Variants in GADL1 observed in about 807,000 individuals in gnomAD.
GADL1 encodes the protein GAD like acidic amino acid decarboxylase 1, also known as acidic amino acid decarboxylase GADL1.
A neutral mutation model predicts 69.5 loss-of-function variants in GADL1; 71 were observed. The ratio of observed to expected loss-of-function variants is 1.02; its 90% confidence interval spans 0.84 to 1.25. The LOEUF (loss-of-function observed/expected upper bound fraction) is 1.25. Ranked by LOEUF, GADL1 falls within the 50% of genes most tolerant of loss-of-function variation. The probability of loss-of-function intolerance (pLI) is 0.00; values close to 1 mark genes in which losing one functional copy is unlikely to be tolerated. For missense variants in GADL1, 737 were observed against 631.8 expected (o/e 1.17, Z -1.79); for synonymous variants, 254 against 214.4 (o/e 1.18, Z -1.62).
At chr3:30,773,139 A>G (rs1353758011) in intron 14 of GADL1, among the ~76,000 whole-genome samples, 1 of 152,206 alleles carries the variant, frequency 6.6e-6, no homozygotes, top group Non-Finnish European at 1.5e-5. Context: ...TACAATAAGA[A>G]AAGATTAAAA....
At chr3:30,786,049 T>C (rs1007746337) in intron 13 of GADL1, among the ~76,000 whole-genome samples, 1 of 152,236 alleles carries the variant, frequency 6.6e-6, no homozygotes, top group East Asian at 1.9e-4. Context: ...CACAGATGAA[T>C]ATTTGCAGTA....
rs185551968 is a variant in GADL1, at chr3:30,752,649, T to G, written c.1393-24234A>C. Among the ~76,000 whole-genome samples the G allele has an allele frequency of 2.6e-5, 4 of 152,276 alleles. No homozygotes were observed. In the East Asian group the frequency reaches 7.7e-4, roughly 29 times the overall value. Reference sequence around the variant, plus strand: ...AATATCGTTACAAGAAAACGTCCACTGGAGCATACTTCATAGCACTGTGAC... The same window carrying G: ...AATATCGTTACAAGAAAACGTCCACGGGAGCATACTTCATAGCACTGTGAC... On this transcript the variant is annotated intron_variant, in intron 14 of 14. Transcript: ENST00000282538.
chr3:30,820,615 G>T (rs1000769666), intron 11 of GADL1, among the ~76,000 whole-genome samples: 15 of 152,106 alleles, frequency 9.9e-5, no homozygotes, highest in African/African-American at 3.6e-4. Context: ...AAACATGCAG[G>T]ATCCTCTATT....
chr3:30,752,941 ATCC>A (rs1315273860), intron 14 of GADL1, among the ~76,000 whole-genome samples: 1 of 127,380 alleles, frequency 7.9e-6, no homozygotes, highest in African/African-American at 3.2e-5. Flanking sequence ...TGAGAACACA[ATCC>A]TCGTTTTTTA....
chr3:30,782,696 G>GT (rs1483335969), intron 13 of GADL1, among the ~76,000 whole-genome samples: 1 of 152,120 alleles, frequency 6.6e-6, no homozygotes, highest in Non-Finnish European at 1.5e-5. Context: ...CAAAGACAAA[G>GT]TGTTAGAAGA....
At chr3:30,759,051 A>G (rs879636020) in intron 14 of GADL1, among the ~76,000 whole-genome samples, 4 of 147,426 alleles carry the variant, frequency 2.7e-5, no homozygotes, top group Non-Finnish European at 6.0e-5. Flanking sequence ...GTGGGAGAAG[A>G]GTCATAATGA....
At chr3:30,776,151 C>G (rs892972682) in intron 14 of GADL1, among the ~76,000 whole-genome samples, 3 of 152,170 alleles carry the variant, frequency 2.0e-5, no homozygotes, top group African/African-American at 7.2e-5. Flanking sequence ...ATTTCAATTT[C>G]TCTAAAAACA....
chr3:30,797,358 A>T (rs2125504975), intron 12 of GADL1, among the ~76,000 whole-genome samples: 1 of 152,318 alleles, frequency 6.6e-6, no homozygotes, highest in African/African-American at 2.4e-5. Context: ...TAGAAAGAAG[A>T]AATTGCTATA....
At chr3:30,752,570 C>T (rs1056325536) in intron 14 of GADL1, among the ~76,000 whole-genome samples, 3 of 152,286 alleles carry the variant, frequency 2.0e-5, no homozygotes, top group Non-Finnish European at 2.9e-5. Context: ...AACCCAGTCT[C>T]GAGGAGTTAT....
At chr3:30,854,661 C>T (rs1264974033) in intron 4 of GADL1, 38 bp downstream of exon 4, 6 of 1,225,644 alleles carry the variant, frequency 4.9e-6, no homozygotes, top group Non-Finnish European at 7.0e-6. Flanking sequence ...AGTCTCTAAT[C>T]CACGTTTGGT....
chr3:30,735,788 A>T (rs981484711), intron 14 of GADL1, among the ~76,000 whole-genome samples: 2 of 152,106 alleles, frequency 1.3e-5, no homozygotes, highest in Non-Finnish European at 2.9e-5. Flanking sequence ...AGGCATTTTG[A>T]ACATGGTGGA....
intron 14 of GADL1, among the ~76,000 whole-genome samples, chr3:30,750,402 C>T (rs935649294): frequency 2.6e-5 from 4 of 152,170 alleles, no homozygotes; most frequent in Non-Finnish European, 5.9e-5. Flanking sequence ...CACGGAGTGG[C>T]ACAAGTGGGT....
At chr3:30,773,851 G>GA (rs1323592589) in intron 14 of GADL1, among the ~76,000 whole-genome samples, 2 of 152,134 alleles carry the variant, frequency 1.3e-5, no homozygotes, top group Non-Finnish European at 2.9e-5. Flanking sequence ...TTGCTTTTCA[G>GA]AAAAATGGTA....
Position 30,728,024 on chromosome 3 carries a change from T to A in GADL1, c.*218A>T. On this transcript the variant is annotated 3_prime_UTR_variant, in exon 15 of 15. Transcript: ENST00000282538. Reference sequence around the variant, plus strand: ...CAGGGGCATTCCTTGAGAAAATCATTTTTTTTTTTAAACTTTCTTCTTTTA... The same window carrying A: ...CAGGGGCATTCCTTGAGAAAATCATATTTTTTTTTAAACTTTCTTCTTTTA... The A allele has an allele frequency of 2.3e-6, 1 of 435,376 alleles. No individual in the cohort carries two copies. 27.0% of individuals were successfully genotyped at this position (435,376 alleles called of 1,614,324 possible). A position where few individuals can be genotyped will look rare whatever the true frequency, so the allele number is the denominator to read the frequency against.
chr3:30,751,430 T>G (rs978018140), intron 14 of GADL1, among the ~76,000 whole-genome samples: 3 of 150,326 alleles, frequency 2.0e-5, no homozygotes, highest in Non-Finnish European at 4.4e-5. Flanking sequence ...TTGCTTTGTC[T>G]TTCATTGCTT....
chr3:30,851,793 T>C (rs2125532577), intron 4 of GADL1, among the ~76,000 whole-genome samples: 1 of 152,234 alleles, frequency 6.6e-6, no homozygotes, highest in South Asian at 2.1e-4. Context: ...TACTTGCCCT[T>C]TCTTGCATCC....
At chr3:30,881,425 G>C (rs951680326) in intron 1 of GADL1, among the ~76,000 whole-genome samples, 4 of 151,710 alleles carry the variant, frequency 2.6e-5, no homozygotes, top group Non-Finnish European at 5.9e-5. Context: ...TAAAAAACTA[G>C]AAGACAAAAC....
At chr3:30,837,903 C>T (rs1322149060) in intron 9 of GADL1, among the ~76,000 whole-genome samples, 7 of 152,128 alleles carry the variant, frequency 4.6e-5, no homozygotes, top group Admixed American at 3.9e-4. Flanking sequence ...TTGCCATTGG[C>T]ATACTAATAG....
chr3:30,827,188 A>G (rs1697695140), intron 11 of GADL1, among the ~76,000 whole-genome samples: 1 of 151,236 alleles, frequency 6.6e-6, no homozygotes, highest in Non-Finnish European at 1.5e-5. Flanking sequence ...TTTTTAATTG[A>G]GAATTAACTG....
Sources: allele counts gnomAD v4.1 joint callset (sites outside exome capture counted in the v4.1 genomes callset), GRCh38; gene constraint gnomAD v4.1.1; transcripts MANE v1.5; gene names NCBI Gene and HGNC (gene_info 2026-07-23, HGNC 2026-07-21).